The following IGSF10 variants were observed in gnomAD, a reference collection of about 807,000 sequenced individuals.
IGSF10 encodes calvaria mechanical force protein 608.
IGSF10 carries 126 observed loss-of-function variants against 128.2 expected under a neutral mutation model. The observed-to-expected ratio is 0.98, with a 90% CI of 0.85 to 1.14. The LOEUF (loss-of-function observed/expected upper bound fraction) is 1.14, where lower values mean the gene tolerates loss of function less well. Among genes scored for constraint, IGSF10 ranks in the 50% most tolerant of loss-of-function variants. IGSF10 has a pLI of 0.00. For missense variants in IGSF10, 3,295 were observed against 3,149.8 expected (o/e 1.05, Z -1.10); for synonymous variants, 1,185 against 1,146.2 (o/e 1.03, Z -0.68).
Position 151,448,177 on chromosome 3 carries a change from C to G in IGSF10, c.1804G>C (p.Asp602His). 2 of 1,614,190 alleles carry G rather than the reference C, an allele frequency of 1.2e-6. No homozygotes were observed. The highest frequency in any genetic ancestry group is 1.7e-6 in the Non-Finnish European group (2 of 1,180,034). The change falls in exon 6 of 8, where the codon GAT (aspartate) becomes CAT (histidine). Residue 602 changes from aspartate to histidine, a missense_variant. Asp to His is a moderately conservative substitution (Grantham distance 81). Coordinates refer to ENST00000282466, the MANE Select transcript of IGSF10 (RefSeq NM_178822.5). ...DLPCHSTGIP[D>H]ASISWVIPGN... ...GGAATAACCCAGCTAATAGAGGCATCTGGGATACCAGTAGAATGGCATGGA... is the reference window on the plus strand; with the variant it reads ...GGAATAACCCAGCTAATAGAGGCATGTGGGATACCAGTAGAATGGCATGGA...
chr3:151,570,875 A>T, the IGSF10 span, among the ~76,000 whole-genome samples: 3 of 152,146 alleles, frequency 2.0e-5, no homozygotes, highest in Admixed American at 6.5e-5. Context: ...TAGGTCTAAC[A>T]TTTAAGTCTT....
At chr3:151,598,028 G>A in the IGSF10 span, among the ~76,000 whole-genome samples, 3 of 151,576 alleles carry the variant, frequency 2.0e-5, no homozygotes, top group Non-Finnish European at 2.9e-5. Flanking sequence ...CATGGAGAGA[G>A]CAATAGCAAT....
chr3:151,471,221 T>C, the IGSF10 span, among the ~76,000 whole-genome samples: 2 of 152,176 alleles, frequency 1.3e-5, no homozygotes, highest in Admixed American at 6.5e-5. Context: ...TCATTCACCT[T>C]CTGCTTCCCC....
the IGSF10 span, among the ~76,000 whole-genome samples, chr3:151,589,273 C>G: frequency 6.6e-6 from 1 of 152,110 alleles, no homozygotes; most frequent in East Asian, 1.9e-4. Flanking sequence ...ACAAATAGAA[C>G]CAAATGGAAA....
At chr3:151,548,514 G>A in the IGSF10 span, among the ~76,000 whole-genome samples, 1 of 152,130 alleles carries the variant, frequency 6.6e-6, no homozygotes, top group Non-Finnish European at 1.5e-5. Flanking sequence ...CTAAGTGTTG[G>A]GAGAATTTGT....
At chr3:151,570,844 C>A in the IGSF10 span, among the ~76,000 whole-genome samples, 5 of 152,270 alleles carry the variant, frequency 3.3e-5, no homozygotes, top group African/African-American at 9.6e-5. Flanking sequence ...CCTAGGTTTT[C>A]TTCTAGGGCT....
chr3:151,618,013 A>G, the IGSF10 span, among the ~76,000 whole-genome samples: 1 of 152,314 alleles, frequency 6.6e-6, no homozygotes, highest in African/African-American at 2.4e-5. Context: ...TATAGACTGA[A>G]TGTTCATGTT....
chr3:151,552,801 A>C, the IGSF10 span, among the ~76,000 whole-genome samples: 45 of 152,196 alleles, frequency 3.0e-4, no homozygotes, highest in African/African-American at 9.6e-4. Flanking sequence ...AAAGCAGTTA[A>C]CCTAAAAGAA....
chr3:151,435,949 G>C (rs1291309651), downstream of IGSF10: 1 of 152,082 alleles, frequency 6.6e-6, no homozygotes, highest in Non-Finnish European at 1.5e-5. Context: ...CTCCAAACCA[G>C]GGGTGCCTGA....
chr3:151,455,313 T>C (rs1413748359), intron 4 of IGSF10, among the ~76,000 whole-genome samples: 1 of 150,902 alleles, frequency 6.6e-6, no homozygotes, highest in African/African-American at 2.4e-5. Context: ...GGTTTCTCCA[T>C]GTTGGTCAGG....
chr3:151,525,568 AC>A, the IGSF10 span, among the ~76,000 whole-genome samples: 1 of 152,106 alleles, frequency 6.6e-6, no homozygotes, highest in Non-Finnish European at 1.5e-5. Context: ...CTGCATTCTT[AC>A]CTGAGGGTTT....
chr3:151,594,801 G>T, the IGSF10 span, among the ~76,000 whole-genome samples: 1 of 151,874 alleles, frequency 6.6e-6, no homozygotes, highest in East Asian at 1.9e-4. Flanking sequence ...ACAAAGAAAT[G>T]ATGAACATTC....
chr3:151,514,664 G>A, the IGSF10 span, among the ~76,000 whole-genome samples: 400 of 152,034 alleles, frequency 2.6e-3, no homozygotes, highest in African/African-American at 7.8e-3. Flanking sequence ...AGAAACCACC[G>A]TCAGAGTGAA....
the IGSF10 span, among the ~76,000 whole-genome samples, chr3:151,498,915 C>A: frequency 1.3e-5 from 2 of 152,022 alleles, no homozygotes; most frequent in African/African-American, 4.8e-5. Context: ...GAACTGGCTG[C>A]TAAAATGGAC....
the IGSF10 span, among the ~76,000 whole-genome samples, chr3:151,590,075 A>G: frequency 1.3e-5 from 2 of 152,204 alleles, no homozygotes; most frequent in East Asian, 3.9e-4. Context: ...GTCTCACTCT[A>G]TGGCCCAGGC....
At chr3:151,572,079 C>T in the IGSF10 span, among the ~76,000 whole-genome samples, 3 of 152,168 alleles carry the variant, frequency 2.0e-5, no homozygotes, top group African/African-American at 7.2e-5. Context: ...GCGACTTGAT[C>T]GTGGTGGATA....
chr3:151,581,846 G>A, the IGSF10 span, among the ~76,000 whole-genome samples: 139 of 152,238 alleles, frequency 9.1e-4, no homozygotes, highest in South Asian at 8.3e-3. Flanking sequence ...CGAGGTGGGC[G>A]GATCGCTTGA....
chr3:151,441,867 C>T (rs1039179136), intron 7 of IGSF10, among the ~76,000 whole-genome samples: 3 of 152,142 alleles, frequency 2.0e-5, no homozygotes, highest in African/African-American at 4.8e-5. Context: ...CAAGACCATC[C>T]TGGCTAACAT....
At chr3:151,536,005 C>T in the IGSF10 span, among the ~76,000 whole-genome samples, 112 of 152,226 alleles carry the variant, frequency 7.4e-4, no homozygotes, top group Non-Finnish European at 1.2e-3. Context: ...ATGTTTGCAG[C>T]CCCTTGATCT....
Sources: gnomAD v4.1 joint callset for allele counts (sites outside exome capture counted in the v4.1 genomes callset) on GRCh38, gnomAD v4.1.1 for gene constraint, MANE v1.5 for transcripts, NCBI Gene and HGNC (gene_info 2026-07-23, HGNC 2026-07-21) for gene names.